The following MAPK10 variants were observed in gnomAD, a reference collection of about 807,000 sequenced individuals.
The protein encoded by MAPK10 is mitogen-activated protein kinase 10, also known as JNK3 alpha protein kinase.
MAPK10 carries 25 observed loss-of-function variants against 59.3 expected under a neutral mutation model. That is an observed-to-expected ratio of 0.42 (90% CI 0.31 to 0.59). The LOEUF is 0.59. MAPK10 is among the 20% of genes least tolerant of loss of function. The pLI is 0.15. For synonymous variants in MAPK10, 190 were observed against 200.5 expected (o/e 0.95, Z 0.44); for missense variants, 351 against 568.9 (o/e 0.62, Z 3.90).
chr4:86,087,923 T>C (rs773369049), intron 9 of MAPK10, among the ~76,000 whole-genome samples: 2 of 152,116 alleles, frequency 1.3e-5, no homozygotes, highest in Non-Finnish European at 2.9e-5. Context: ...TAATATGGTA[T>C]GGATGCACTA....
chr4:86,379,308 G>T (rs1376081931), intron 1 of MAPK10, among the ~76,000 whole-genome samples: 2 of 152,150 alleles, frequency 1.3e-5, no homozygotes, highest in African/African-American at 2.4e-5. Flanking sequence ...AAATCATTTT[G>T]CATGTGAATA....
At chr4:86,462,773 G>T (rs1406459121) in intron 1 of MAPK10, among the ~76,000 whole-genome samples, 1 of 152,126 alleles carries the variant, frequency 6.6e-6, no homozygotes, top group Non-Finnish European at 1.5e-5. Flanking sequence ...TCTAATTCTA[G>T]AACAGTTATA....
intron 3 of MAPK10, among the ~76,000 whole-genome samples, chr4:86,190,326 C>T (rs957995210): frequency 2.0e-5 from 3 of 152,044 alleles, no homozygotes; most frequent in South Asian, 2.1e-4. Context: ...GGAATGATAC[C>T]AGCTCTTCTG....
At chr4:86,243,966 C>A (rs113776025) in intron 2 of MAPK10, among the ~76,000 whole-genome samples, 22 of 152,268 alleles carry the variant, frequency 1.4e-4, no homozygotes, top group African/African-American at 4.6e-4. Flanking sequence ...AAAACCATTA[C>A]AAATGGCTCG....
chr4:86,562,402 T>C (rs1660720040), intron 1 of MAPK10, among the ~76,000 whole-genome samples: 1 of 152,176 alleles, frequency 6.6e-6, no homozygotes, highest in African/African-American at 2.4e-5. Context: ...TTTTACATGC[T>C]GCTAGGCTGG....
intron 1 of MAPK10, among the ~76,000 whole-genome samples, chr4:86,368,186 CT>C (rs1393685830): frequency 2.6e-5 from 4 of 152,136 alleles, no homozygotes; most frequent in Admixed American, 6.6e-5. Flanking sequence ...CTTCCACTTA[CT>C]TTTCTTTTTA....
chr4:86,470,571 T>C (rs999321001), intron 1 of MAPK10, among the ~76,000 whole-genome samples: 2 of 152,184 alleles, frequency 1.3e-5, no homozygotes, highest in Non-Finnish European at 2.9e-5. Flanking sequence ...AATTTTCTCA[T>C]ACCTCTTTCT....
At chr4:86,482,189 A>G (rs1031723310) in intron 1 of MAPK10, among the ~76,000 whole-genome samples, 1 of 151,990 alleles carries the variant, frequency 6.6e-6, no homozygotes, top group Admixed American at 6.6e-5. Flanking sequence ...TGAATTCTAC[A>G]CTCCTGCCTA....
intron 4 of MAPK10, among the ~76,000 whole-genome samples, chr4:86,156,916 G>A (rs985606574): frequency 2.0e-5 from 3 of 152,032 alleles, no homozygotes; most frequent in African/African-American, 7.2e-5. Flanking sequence ...AGCTCACACA[G>A]TGAAGCAGAA....
chr4:86,112,727 G>A (rs752599658), intron 4 of MAPK10, among the ~76,000 whole-genome samples: 4 of 152,070 alleles, frequency 2.6e-5, no homozygotes, highest in Non-Finnish European at 5.9e-5. Context: ...TATCTATCAG[G>A]TCCACTTGAT....
chr4:86,503,236 T>G (rs898133519), intron 1 of MAPK10, among the ~76,000 whole-genome samples: 1 of 152,092 alleles, frequency 6.6e-6, no homozygotes, highest in Non-Finnish European at 1.5e-5. Flanking sequence ...CTTAGACTCT[T>G]TTGTCTCTGG....
intron 3 of MAPK10, among the ~76,000 whole-genome samples, chr4:86,188,036 G>A (rs1465091482): frequency 6.6e-6 from 1 of 152,162 alleles, no homozygotes; most frequent in Admixed American, 6.5e-5. Flanking sequence ...TGCTAAGAAT[G>A]ATGGTTTCCA....
chr4:86,154,747 T>C (rs944557720), intron 4 of MAPK10, among the ~76,000 whole-genome samples: 2 of 151,824 alleles, frequency 1.3e-5, no homozygotes, highest in Non-Finnish European at 2.9e-5. Context: ...TAAACCACAA[T>C]GGGAAAAAAA....
chr4:86,442,469 T>A (rs1749525293), intron 1 of MAPK10, among the ~76,000 whole-genome samples: 1 of 152,352 alleles, frequency 6.6e-6, no homozygotes, highest in Non-Finnish European at 1.5e-5. Flanking sequence ...CTTTGTTGTA[T>A]CTGCTTTAAA....
At chr4:86,368,008 T>C (rs1366883144) in intron 1 of MAPK10, among the ~76,000 whole-genome samples, 1 of 152,214 alleles carries the variant, frequency 6.6e-6, no homozygotes, top group African/African-American at 2.4e-5. Context: ...ACTTCTCAAA[T>C]GCAGTTTTTA....
intron 1 of MAPK10, among the ~76,000 whole-genome samples, chr4:86,548,107 C>G (rs1281258437): frequency 6.6e-6 from 1 of 152,130 alleles, no homozygotes; most frequent in Non-Finnish European, 1.5e-5. Context: ...CTGCTCACTG[C>G]TTGGGTCCAC....
chr4:86,521,267 A>G (rs999708598), intron 1 of MAPK10, among the ~76,000 whole-genome samples: 1 of 152,158 alleles, frequency 6.6e-6, no homozygotes, highest in Non-Finnish European at 1.5e-5. Flanking sequence ...TCAAGACAGC[A>G]TCTAGTAGAA....
rs1237585848 is a variant in MAPK10 at position 86,516,826 on chromosome 4, GT to G, written c.-263+77083del. Among the ~76,000 whole-genome samples the G allele has an allele frequency of 2.0e-5, 3 of 152,100 alleles. No individual in the cohort carries two copies. In the South Asian group the frequency reaches 6.2e-4, roughly 32 times the overall value. On this transcript the variant is annotated intron_variant, in intron 1 of 4. Coordinates refer to the MAPK10 transcript ENST00000502302. ...GGAGCTTTTTGGATGGGTCTTTAGG[GT>G]TTTCTAGCTATGCAATCATATCACT...
intron 4 of MAPK10, chr4:86,119,461 T>G (rs954682445): frequency 6.6e-6 from 1 of 151,606 alleles, no homozygotes; most frequent in African/African-American, 2.4e-5. Flanking sequence ...CCAGGCGTGG[T>G]AGCACGCACC....
Sources: allele counts gnomAD v4.1 joint callset (sites outside exome capture counted in the v4.1 genomes callset), GRCh38; gene constraint gnomAD v4.1.1; transcripts MANE v1.5; gene names NCBI Gene and HGNC (gene_info 2026-07-23, HGNC 2026-07-21).